Variants in MBNL1 observed in about 807,000 individuals in gnomAD.
The protein encoded by MBNL1 is muscleblind-like protein 1.
Under a neutral mutation model 42.2 loss-of-function variants are expected in MBNL1, and 8 were observed. The ratio of observed to expected loss-of-function variants is 0.19; its 90% CI spans 0.11 to 0.34. The LOEUF (loss-of-function observed/expected upper bound fraction) is 0.34, where lower values mean the gene tolerates loss of function less well. MBNL1 is among the 10% of genes least tolerant of loss of function. The pLI, the probability that MBNL1 is intolerant of heterozygous loss-of-function variation, is 1.00. For synonymous variants in MBNL1, 169 were observed against 173.9 expected (o/e 0.97, Z 0.22); for missense variants, 309 against 495.3 (o/e 0.62, Z 3.57).
At chr3:152,345,378 C>T (rs916790561) in intron 2 of MBNL1, among the ~76,000 whole-genome samples, 6 of 151,990 alleles carry the variant, frequency 3.9e-5, no homozygotes, top group African/African-American at 1.4e-4. Context: ...TGGGATCTCT[C>T]CCTGAGGAGA....
intron 6 of MBNL1, among the ~76,000 whole-genome samples, chr3:152,453,477 C>T (rs975034753): frequency 6.6e-6 from 1 of 152,164 alleles, no homozygotes; most frequent in Non-Finnish European, 1.5e-5. Flanking sequence ...CAAATACATT[C>T]ACTTAAATTT....
intron 3 of MBNL1, among the ~76,000 whole-genome samples, chr3:152,416,419 A>G (rs1486877596): frequency 2.0e-5 from 3 of 152,222 alleles, no homozygotes; most frequent in Non-Finnish European, 2.9e-5. Context: ...GGATAGCATG[A>G]AGATTTCCAT....
intron 2 of MBNL1, chr3:152,262,761 C>A (rs1214435947): frequency 6.6e-6 from 1 of 152,046 alleles, no homozygotes; most frequent in Admixed American, 6.6e-5. Flanking sequence ...GAATTCTGGG[C>A]TAAATAACAA....
chr3:152,381,685 T>C (rs2097186535), intron 2 of MBNL1, among the ~76,000 whole-genome samples: 1 of 152,020 alleles, frequency 6.6e-6, no homozygotes, highest in Non-Finnish European at 1.5e-5. Flanking sequence ...CCAATAATTC[T>C]TTTCATTCAC....
At chr3:152,248,726 C>T (rs1465474565) in intron 2 of MBNL1, among the ~76,000 whole-genome samples, 1 of 152,000 alleles carries the variant, frequency 6.6e-6, no homozygotes, top group African/African-American at 2.4e-5. Context: ...ATTAACTCAT[C>T]ATTTAGCATT....
At chr3:152,430,695 G>A (rs112821316) in intron 3 of MBNL1, among the ~76,000 whole-genome samples, 1 of 152,204 alleles carries the variant, frequency 6.6e-6, no homozygotes, top group African/African-American at 2.4e-5. Context: ...AGAGTGGACA[G>A]TGGCACAGCA....
At chr3:152,406,924 C>CT (rs2098442870) in intron 2 of MBNL1, among the ~76,000 whole-genome samples, 1 of 152,078 alleles carries the variant, frequency 6.6e-6, no homozygotes, top group Non-Finnish European at 1.5e-5. Flanking sequence ...TAAAAAGAAT[C>CT]TATTACATTA....
At chr3:152,325,548 A>AT (rs1172597555) in intron 2 of MBNL1, among the ~76,000 whole-genome samples, 5 of 151,976 alleles carry the variant, frequency 3.3e-5, no homozygotes, top group Non-Finnish European at 5.9e-5. Flanking sequence ...AGATATCTGT[A>AT]TTTTATTTTT....
chr3:152,333,806 G>A (rs1262874996), intron 2 of MBNL1, among the ~76,000 whole-genome samples: 4 of 152,042 alleles, frequency 2.6e-5, no homozygotes, highest in East Asian at 1.9e-4. Context: ...TGTCTGTCTC[G>A]TTAACAATAA....
chr3:152,325,092 C>CCCCCCCCA (rs1166071875), intron 2 of MBNL1, among the ~76,000 whole-genome samples: 1 of 68,482 alleles, frequency 1.5e-5, no homozygotes, highest in African/African-American at 5.1e-5. Flanking sequence ...TACCCGCCCC[C>CCCCCCCCA]CCCCGCCCGC....
chr3:152,255,767 G>A (rs1001286060), intron 2 of MBNL1, among the ~76,000 whole-genome samples: 2 of 152,180 alleles, frequency 1.3e-5, no homozygotes, highest in African/African-American at 4.8e-5. Context: ...CTTTACGTAG[G>A]TGGTCTCCTG....
intron 2 of MBNL1, among the ~76,000 whole-genome samples, chr3:152,306,903 A>C (rs187665715): frequency 6.6e-6 from 1 of 152,358 alleles, no homozygotes; most frequent in African/African-American, 2.4e-5. Flanking sequence ...TATTTAGTAA[A>C]TAAAACCTGG....
chr3:152,375,252 G>A (rs2096847638), intron 2 of MBNL1, among the ~76,000 whole-genome samples: 1 of 152,178 alleles, frequency 6.6e-6, no homozygotes, highest in Non-Finnish European at 1.5e-5. Context: ...GGCACTAAAA[G>A]GCTCCTCTTG....
intron 2 of MBNL1, among the ~76,000 whole-genome samples, chr3:152,319,298 AT>A (rs1264888866): frequency 1.3e-5 from 2 of 152,100 alleles, no homozygotes; most frequent in Non-Finnish European, 2.9e-5. Flanking sequence ...AACTCTGCTG[AT>A]TTAGTGTGTT....
chr3:152,404,857 A>C (rs1254035018), intron 2 of MBNL1, among the ~76,000 whole-genome samples: 1 of 151,566 alleles, frequency 6.6e-6, no homozygotes, highest in Non-Finnish European at 1.5e-5. Context: ...AAATATATAG[A>C]TAATCCAAGA....
chr3:152,278,502 C>G (rs1577029394), intron 1 of MBNL1, among the ~76,000 whole-genome samples: 3 of 152,142 alleles, frequency 2.0e-5, no homozygotes, highest in African/African-American at 7.2e-5. Flanking sequence ...AAAATATACT[C>G]AAGTAGAATT....
intron 1 of MBNL1, among the ~76,000 whole-genome samples, chr3:152,272,076 G>A (rs2042274496): frequency 7.5e-6 from 1 of 133,406 alleles, no homozygotes; most frequent in South Asian, 2.5e-4. Context: ...TCTCTTTCAT[G>A]GTGTCTAGAA....
intron 2 of MBNL1, among the ~76,000 whole-genome samples, chr3:152,253,872 C>T (rs1236330724): frequency 6.6e-6 from 1 of 152,108 alleles, no homozygotes; most frequent in Non-Finnish European, 1.5e-5. Context: ...TGTCATTTTA[C>T]CCCATTTTAA....
chr3:152,262,173 T>A (rs1056199265), intron 2 of MBNL1, among the ~76,000 whole-genome samples: 2 of 152,170 alleles, frequency 1.3e-5, no homozygotes, highest in Non-Finnish European at 2.9e-5. Flanking sequence ...TAAGGAACAA[T>A]AGCCAGTGTA....
Sources: allele counts gnomAD v4.1 joint callset (sites outside exome capture counted in the v4.1 genomes callset), GRCh38; gene constraint gnomAD v4.1.1; transcripts MANE v1.5; gene names NCBI Gene and HGNC (gene_info 2026-07-23, HGNC 2026-07-21).